PTPRD: variants seen among roughly 807,000 people sequenced by gnomAD.
PTPRD encodes the protein protein tyrosine phosphatase receptor type D.
Under a neutral mutation model 214.5 loss-of-function variants are expected in PTPRD, and 34 were observed. The ratio of observed to expected loss-of-function variants is 0.16; its 90% CI spans 0.12 to 0.21. The LOEUF is 0.21. Among genes scored for constraint, PTPRD ranks in the 10% least tolerant of loss-of-function variants. PTPRD has a pLI of 1.00. For missense variants in PTPRD, 2,545 were observed against 2,398.7 expected, an observed-to-expected ratio of 1.06 and a Z score of -1.27; for synonymous variants, 1,128 against 845.7, an observed-to-expected ratio of 1.33 and a Z score of -5.79.
chr9:9,269,976 T>A (rs1942123790), intron 9 of PTPRD, among the ~76,000 whole-genome samples: 1 of 150,276 alleles, frequency 6.7e-6, no homozygotes, highest in Non-Finnish European at 1.5e-5. Flanking sequence ...AATATAATAT[T>A]AATTAATAAA....
At chr9:8,994,580 G>A (rs1285586652) in intron 11 of PTPRD, among the ~76,000 whole-genome samples, 4 of 152,040 alleles carry the variant, frequency 2.6e-5, no homozygotes, top group Non-Finnish European at 5.9e-5. Context: ...AAAGGGCAGT[G>A]GGAAAGGATT....
At chr9:8,927,965 T>C (rs773173085) in intron 11 of PTPRD, among the ~76,000 whole-genome samples, 1 of 152,238 alleles carries the variant, frequency 6.6e-6, no homozygotes, top group African/African-American at 2.4e-5. Flanking sequence ...CCAGTGATGA[T>C]GAGCTTTTTT....
intron 2 of PTPRD, among the ~76,000 whole-genome samples, chr9:10,557,878 T>C (rs1487627811): frequency 6.6e-6 from 1 of 152,162 alleles, no homozygotes; most frequent in Admixed American, 6.6e-5. Flanking sequence ...GTAAATGTTT[T>C]ATAGCAAAAT....
chr9:10,605,016 A>G (rs574178611), intron 2 of PTPRD, among the ~76,000 whole-genome samples: 4 of 151,808 alleles, frequency 2.6e-5, no homozygotes, highest in Admixed American at 2.0e-4. Context: ...TGTTTCCATG[A>G]TTTTTTTTAA....
At chr9:8,940,474 A>ATTTTTTT (rs1467461986) in intron 11 of PTPRD, among the ~76,000 whole-genome samples, 17 of 125,422 alleles carry the variant, frequency 1.4e-4, no homozygotes, top group African/African-American at 3.0e-4. Flanking sequence ...GGTATTTTTA[A>ATTTTTTT]TAGAGACAGG....
chr9:10,506,431 G>C (rs1235660845), intron 2 of PTPRD, among the ~76,000 whole-genome samples: 1 of 151,986 alleles, frequency 6.6e-6, no homozygotes, highest in Non-Finnish European at 1.5e-5. Flanking sequence ...TCAAAATCAT[G>C]ATTTCGACTA....
intron 12 of PTPRD, among the ~76,000 whole-genome samples, chr9:8,718,421 G>A (rs1314893150): frequency 6.6e-6 from 1 of 152,122 alleles, no homozygotes; most frequent in African/African-American, 2.4e-5. Flanking sequence ...AGAAGTATGT[G>A]TTGTTCAGTT....
At chr9:9,422,983 G>A (rs898414881) in intron 8 of PTPRD, among the ~76,000 whole-genome samples, 5 of 152,112 alleles carry the variant, frequency 3.3e-5, no homozygotes, top group Non-Finnish European at 5.9e-5. Flanking sequence ...CCTTAGTTGG[G>A]TCCCTCTTGG....
intron 11 of PTPRD, among the ~76,000 whole-genome samples, chr9:8,990,060 C>G (rs906459594): frequency 1.3e-5 from 2 of 152,126 alleles, no homozygotes; most frequent in African/African-American, 4.8e-5. Flanking sequence ...TACATTTGGA[C>G]TTGTCTTTTC....
intron 8 of PTPRD, among the ~76,000 whole-genome samples, chr9:9,444,811 C>T (rs181024327): frequency 2.6e-5 from 4 of 152,092 alleles, no homozygotes; most frequent in Non-Finnish European, 2.9e-5. Flanking sequence ...AAATTATGCC[C>T]CATGTAAGCA....
chr9:8,763,339 C>G (rs1037103238), intron 11 of PTPRD, among the ~76,000 whole-genome samples: 2 of 151,844 alleles, frequency 1.3e-5, no homozygotes, highest in South Asian at 2.1e-4. Context: ...TAACGAAACC[C>G]CATCTCTAAT....
At chr9:9,445,604 T>G (rs2144792038) in intron 8 of PTPRD, among the ~76,000 whole-genome samples, 1 of 152,100 alleles carries the variant, frequency 6.6e-6, no homozygotes, top group Admixed American at 6.5e-5. Context: ...GAAGGAGAAG[T>G]GCCAAGCAAA....
At chr9:10,391,582 T>G (rs1005374755) in intron 2 of PTPRD, among the ~76,000 whole-genome samples, 4 of 151,734 alleles carry the variant, frequency 2.6e-5, no homozygotes, top group African/African-American at 9.7e-5. Flanking sequence ...TGTCAACATT[T>G]CCTTTAAAAT....
intron 2 of PTPRD, among the ~76,000 whole-genome samples, chr9:10,548,379 G>C (rs909791675): frequency 6.6e-6 from 1 of 151,982 alleles, no homozygotes; most frequent in Non-Finnish European, 1.5e-5. Context: ...ATGAAGAAAT[G>C]TACATTTTCT....
intron 4 of PTPRD, among the ~76,000 whole-genome samples, chr9:9,974,558 C>T (rs1291303989): frequency 6.6e-6 from 1 of 152,192 alleles, no homozygotes; most frequent in African/African-American, 2.4e-5. Flanking sequence ...TAAACCTCCA[C>T]TTAATCTTTG....
chr9:8,795,499 T>G (rs922220159), intron 11 of PTPRD, among the ~76,000 whole-genome samples: 1 of 152,108 alleles, frequency 6.6e-6, no homozygotes, highest in African/African-American at 2.4e-5. Context: ...ACTTAGGAAT[T>G]ACACAAAAGA....
chr9:9,251,952 A>T (rs1439846459), intron 9 of PTPRD, among the ~76,000 whole-genome samples: 1 of 152,078 alleles, frequency 6.6e-6, no homozygotes, highest in African/African-American at 2.4e-5. Context: ...TTCACCAAAA[A>T]CTAGCAGTCT....
chr9:10,461,756 G>T (rs1294143550), intron 2 of PTPRD, among the ~76,000 whole-genome samples: 4 of 151,924 alleles, frequency 2.6e-5, no homozygotes, highest in African/African-American at 7.3e-5. Flanking sequence ...CTGAGTAACT[G>T]GGATTACAGG....
At chr9:9,628,494 T>A (rs2095490417) in intron 7 of PTPRD, among the ~76,000 whole-genome samples, 1 of 152,172 alleles carries the variant, frequency 6.6e-6, no homozygotes, top group South Asian at 2.1e-4. Flanking sequence ...GCCATTGGTA[T>A]CCAGGATCTG....
Sources: allele counts gnomAD v4.1 joint callset (sites outside exome capture counted in the v4.1 genomes callset), GRCh38; gene constraint gnomAD v4.1.1; transcripts MANE v1.5; gene names NCBI Gene and HGNC (gene_info 2026-07-23, HGNC 2026-07-21).